RAPGEF2: variants seen among roughly 807,000 people sequenced by gnomAD.
The protein encoded by RAPGEF2 is Rap guanine nucleotide exchange factor 2.
Under a neutral mutation model 186.7 loss-of-function variants are expected in RAPGEF2, and 54 were observed. The observed-to-expected ratio is 0.29, with a 90% CI of 0.23 to 0.36. The LOEUF (loss-of-function observed/expected upper bound fraction) is 0.36, where lower values mean the gene tolerates loss of function less well. Ranked by LOEUF, RAPGEF2 falls within the 10% of genes least tolerant of loss-of-function variation. The probability of loss-of-function intolerance (pLI) is 1.00; values close to 1 mark genes in which losing one functional copy is unlikely to be tolerated. For synonymous variants in RAPGEF2, 712 were observed against 705.9 expected, an observed-to-expected ratio of 1.01 and a Z score of -0.14; for missense variants, 1,532 against 2,045.0, an observed-to-expected ratio of 0.75 and a Z score of 4.84.
At chr4:159,282,620 A>T (rs1378516819) in intron 7 of RAPGEF2, 1 of 447,756 alleles carries the variant, frequency 2.2e-6, no homozygotes, top group Non-Finnish European at 4.5e-6. Context: ...TGCCTTTTCT[A>T]ACGAAAGAGA....
intron 7 of RAPGEF2, among the ~76,000 whole-genome samples, chr4:159,301,036 C>T (rs1762598745): frequency 6.6e-6 from 1 of 152,198 alleles, no homozygotes; most frequent in Admixed American, 6.5e-5. Flanking sequence ...CCTTTTATAA[C>T]ATCTCCCATT....
At chr4:159,137,583 T>C (rs1417521167) in intron 1 of RAPGEF2, among the ~76,000 whole-genome samples, 1 of 152,074 alleles carries the variant, frequency 6.6e-6, no homozygotes, top group Non-Finnish European at 1.5e-5. Context: ...CATAGTAGCA[T>C]CTTTAATACT....
chr4:159,304,553 AT>A lies in RAPGEF2; in HGVS notation c.675+81del. 3.1e-6 allele frequency: 4 copies of A among 1,301,000 alleles called. No homozygotes were observed. The Admixed American group carries it at 8.6e-5, about 28-fold the overall frequency. 80.6% of individuals were successfully genotyped at this position (1,301,000 alleles called of 1,614,324 possible). On this transcript the variant is annotated intron_variant, in intron 8 of 29. Transcript: ENST00000691494. ...TTAAGGTTCTCAGCTGATAGAATCT[AT>A]AAAATAAATATATGTGTATATTACA...
At chr4:159,152,438 T>C (rs560085176) in intron 1 of RAPGEF2, among the ~76,000 whole-genome samples, 2 of 152,362 alleles carry the variant, frequency 1.3e-5, no homozygotes, top group Admixed American at 6.5e-5. Flanking sequence ...TGAAATTCTT[T>C]TGCATTGTTT....
Position 159,330,448 on chromosome 4 carries a change from G to T in RAPGEF2, c.1417G>T (p.Val473Leu). Residue 473 changes from valine (V) to leucine (L), a missense_variant, in exon 13 of 30, where the codon GTG (valine) becomes TTG (leucine). Transcript: ENST00000691494. ...GACTTTTCTTTCTAGCCCAATGGAA[G>T]TGGGCAAAAAGTTATTGGAGTGGTT... is the stretch of plus-strand genomic sequence containing the variant. ...YRTFLSSPME[V>L]GKKLLEWFND... is the part of the protein sequence containing the mutation. 6.2e-7 allele frequency: 1 copy of T among 1,607,540 alleles called. No homozygotes were observed. The highest frequency in any genetic ancestry group is 1.1e-5 in the South Asian group (1 of 89,520).
intron 7 of RAPGEF2, among the ~76,000 whole-genome samples, chr4:159,278,808 A>T (rs1163553512): frequency 2.0e-5 from 3 of 152,240 alleles, no homozygotes; most frequent in Non-Finnish European, 4.4e-5. Flanking sequence ...TGTGAAGATT[A>T]AATGAGGTAA....
intron 1 of RAPGEF2, among the ~76,000 whole-genome samples, chr4:159,154,717 T>G (rs1743935825): frequency 6.6e-6 from 1 of 152,166 alleles, no homozygotes; most frequent in African/African-American, 2.4e-5. Flanking sequence ...TCAAGAGATC[T>G]CTTGAATCAG....
intron 1 of RAPGEF2, among the ~76,000 whole-genome samples, chr4:159,178,030 C>A (rs767649295): frequency 3.3e-5 from 5 of 152,188 alleles, no homozygotes; most frequent in Non-Finnish European, 7.3e-5. Flanking sequence ...TAGGCCTCAA[C>A]CTCCATAGGC....
intron 1 of RAPGEF2, among the ~76,000 whole-genome samples, chr4:159,162,330 G>T (rs1191083227): frequency 6.6e-6 from 1 of 151,026 alleles, no homozygotes; most frequent in Non-Finnish European, 1.5e-5. Flanking sequence ...CAGGAGTTTG[G>T]GGGTTACAGT....
chr4:159,205,830 C>G (rs1180751643), intron 3 of RAPGEF2, among the ~76,000 whole-genome samples: 3 of 152,132 alleles, frequency 2.0e-5, no homozygotes, highest in Non-Finnish European at 4.4e-5. Context: ...TCAAGTTACC[C>G]AGTCCCAGGT....
At chr4:159,239,252 A>G (rs1579563525) in intron 5 of RAPGEF2, among the ~76,000 whole-genome samples, 3 of 152,130 alleles carry the variant, frequency 2.0e-5, no homozygotes, top group South Asian at 4.1e-4. Context: ...CTTTAAATCA[A>G]TCACTAGGTT....
At chr4:159,104,878 A>G (rs975807099) in intron 1 of RAPGEF2, among the ~76,000 whole-genome samples, 5 of 152,220 alleles carry the variant, frequency 3.3e-5, no homozygotes, top group Non-Finnish European at 7.3e-5. Flanking sequence ...TGAAGGGAAA[A>G]AAAGTTGAAT....
intron 7 of RAPGEF2, among the ~76,000 whole-genome samples, chr4:159,262,203 T>A (rs1756956108): frequency 1.3e-5 from 2 of 152,238 alleles, no homozygotes; most frequent in Admixed American, 6.5e-5. Flanking sequence ...AGATAAGTTT[T>A]GTGTGGTTCC....
rs373894008 is a variant in RAPGEF2 at position 159,332,015 on chromosome 4, T to G, written c.1869T>G (p.Thr623=). The change falls in exon 16 of 30, where the codon ACT becomes ACG. Residue 623 remains threonine (T), a synonymous_variant. Transcript: ENST00000691494. ...ILRNNTHLSI[T]VKTNLFVFKE... Reference sequence around the variant, plus strand: ...GAAATAACACACATTTATCTATCACTGTGAAAACCAATTTATTTGGTAAGT... The same window carrying G: ...GAAATAACACACATTTATCTATCACGGTGAAAACCAATTTATTTGGTAAGT... 1.4e-5 allele frequency: 22 copies of G among 1,591,208 alleles called. No individual in the cohort carries two copies. Among genetic ancestry groups the G allele is most frequent in the Admixed American group, 1.8e-5 (1 of 56,884 alleles).
intron 7 of RAPGEF2, among the ~76,000 whole-genome samples, chr4:159,274,164 C>T (rs1758550319): frequency 6.6e-6 from 1 of 152,168 alleles, no homozygotes; most frequent in African/African-American, 2.4e-5. Flanking sequence ...TTAAGAATTC[C>T]TCCAGAGTAA....
At chr4:159,194,500 C>G (rs1748424346) in intron 3 of RAPGEF2, among the ~76,000 whole-genome samples, 1 of 152,110 alleles carries the variant, frequency 6.6e-6, no homozygotes, top group East Asian at 1.9e-4. Flanking sequence ...GTTTTCATTT[C>G]TTACTCTCCC....
At chr4:159,143,499 G>A (rs114972438) in intron 1 of RAPGEF2, among the ~76,000 whole-genome samples, 3,138 of 152,256 alleles carry the variant, frequency 0.021, 108 homozygotes, top group African/African-American at 0.071. Context: ...TTTTCTCACA[G>A]CAAATATTCC....
At chr4:159,145,620 G>T (rs182264341) in intron 1 of RAPGEF2, among the ~76,000 whole-genome samples, 1 of 152,112 alleles carries the variant, frequency 6.6e-6, no homozygotes, top group Non-Finnish European at 1.5e-5. Context: ...AAATCCTGAC[G>T]TATGTTCACC....
chr4:159,125,329 T>G (rs1740167729), intron 1 of RAPGEF2, among the ~76,000 whole-genome samples: 1 of 152,226 alleles, frequency 6.6e-6, no homozygotes, highest in South Asian at 2.1e-4. Flanking sequence ...TGAGACTGTT[T>G]ACTCTTTATT....
Sources: gnomAD v4.1 joint callset for allele counts (sites outside exome capture counted in the v4.1 genomes callset) on GRCh38, gnomAD v4.1.1 for gene constraint, MANE v1.5 for transcripts, NCBI Gene and HGNC (gene_info 2026-07-23, HGNC 2026-07-21) for gene names.